The following PPP2R3A variants were observed in gnomAD, a reference collection of about 807,000 sequenced individuals.
PPP2R3A encodes serine/threonine-protein phosphatase 2A regulatory subunit B'' subunit alpha.
PPP2R3A carries 80 observed loss-of-function variants against 106.9 expected under a neutral mutation model. The observed-to-expected ratio is 0.75, with a 90% CI of 0.62 to 0.90. PPP2R3A has a LOEUF of 0.90. Among genes scored for constraint, PPP2R3A ranks in the 40% least tolerant of loss-of-function variants. The pLI is 0.00. For synonymous variants in PPP2R3A, 483 were observed against 468.3 expected, an observed-to-expected ratio of 1.03 and a Z score of -0.41; for missense variants, 1,386 against 1,350.4, an observed-to-expected ratio of 1.03 and a Z score of -0.41.
In PPP2R3A at chr3:136,068,515, C is replaced by T. The variant is rs955236986; in HGVS notation, c.2470-1963C>T. On this transcript the variant is annotated intron_variant, in intron 5 of 13. Transcript: ENST00000264977. The stretch of plus-strand genomic sequence containing the variant: ...CAGCCTGGATGACAGAGCAAGACTC[C>T]GTCTCAAAAAAATAAAAGAAATAAA... Among the ~76,000 whole-genome samples, 18 of 151,762 alleles carry T rather than the reference C, an allele frequency of 1.2e-4. 1 individual carries two copies. The highest frequency in any genetic ancestry group is 2.1e-4 in the South Asian group (1 of 4,820).
intron 10 of PPP2R3A, among the ~76,000 whole-genome samples, chr3:136,095,322 T>C (rs942029363): frequency 6.6e-6 from 1 of 152,234 alleles, no homozygotes; most frequent in Non-Finnish European, 1.5e-5. Flanking sequence ...AGACCTCCTT[T>C]GGTGCTCCTT....
chr3:136,026,962 T>G lies in PPP2R3A; in HGVS notation c.2126T>G (p.Ile709Ser). Residue 709 changes from isoleucine (I) to serine (S), a missense_variant, in exon 3 of 14, where the codon ATT becomes AGT. Coordinates refer to ENST00000264977, the MANE Select transcript of PPP2R3A (RefSeq NM_002718.5). ...GTGAATGCGCCATTGTCCATAAACATTCCACGGTTCTACTTTCCTGAAGGA... is the reference window on the plus strand; with the variant it reads ...GTGAATGCGCCATTGTCCATAAACAGTCCACGGTTCTACTTTCCTGAAGGA... ...NVVNAPLSIN[I>S]PRFYFPEGLP... The G allele has an allele frequency of 6.2e-7, 1 of 1,613,828 alleles. No homozygotes were observed. Among genetic ancestry groups the G allele is most frequent in the Non-Finnish European group, 8.5e-7 (1 of 1,179,748 alleles).
intron 3 of PPP2R3A, among the ~76,000 whole-genome samples, chr3:136,033,807 C>A (rs1367470726): frequency 1.3e-5 from 2 of 151,848 alleles, no homozygotes; most frequent in African/African-American, 2.4e-5. Context: ...AATGGTCTAT[C>A]AATTTTATTT....
chr3:136,091,956 C>G (rs141861666), intron 10 of PPP2R3A, among the ~76,000 whole-genome samples: 1 of 152,182 alleles, frequency 6.6e-6, no homozygotes, highest in African/African-American at 2.4e-5. Context: ...GTGAGCATCC[C>G]AAATCTGAAA....
chr3:136,006,519 A>G (rs1933849489), intron 2 of PPP2R3A, among the ~76,000 whole-genome samples: 1 of 152,170 alleles, frequency 6.6e-6, no homozygotes, highest in South Asian at 2.1e-4. Context: ...TTGCAAGACA[A>G]ACCAACAAAC....
intron 4 of PPP2R3A, among the ~76,000 whole-genome samples, chr3:136,041,817 C>T (rs1273778409): frequency 1.3e-5 from 2 of 152,178 alleles, no homozygotes; most frequent in Admixed American, 6.5e-5. Context: ...AACATTCTGA[C>T]AAATTTTCTT....
chr3:136,022,916 G>A, intron 2 of PPP2R3A: 1 of 1,446,532 alleles, frequency 6.9e-7, no homozygotes, highest in Admixed American at 2.9e-5. Context: ...ATTGTGGTCT[G>A]TGGAGGCTGG....
chr3:136,064,444 A>G (rs1040288450), intron 5 of PPP2R3A, among the ~76,000 whole-genome samples: 32 of 152,184 alleles, frequency 2.1e-4, no homozygotes, highest in African/African-American at 7.2e-4. Flanking sequence ...GGAGGGGTGC[A>G]TGGGTTCTAT....
At chr3:136,044,182 T>C (rs972059420) in intron 4 of PPP2R3A, among the ~76,000 whole-genome samples, 2 of 152,196 alleles carry the variant, frequency 1.3e-5, no homozygotes, top group Non-Finnish European at 2.9e-5. Context: ...TTTATTTAAC[T>C]TTAGGAGCCT....
At chr3:136,034,850 T>A (rs567682126) in intron 3 of PPP2R3A, among the ~76,000 whole-genome samples, 1 of 152,318 alleles carries the variant, frequency 6.6e-6, no homozygotes, top group South Asian at 2.1e-4. Context: ...TGTGTTAAAC[T>A]GTCTGTCTCA....
At chr3:135,971,128 A>AT (rs1313133619) in intron 1 of PPP2R3A, among the ~76,000 whole-genome samples, 2 of 152,016 alleles carry the variant, frequency 1.3e-5, no homozygotes, top group African/African-American at 4.8e-5. Context: ...TTGCAGCTGT[A>AT]TTTTTTCCAA....
At chr3:136,069,191 T>C (rs1231752108) in intron 5 of PPP2R3A, among the ~76,000 whole-genome samples, 1 of 152,228 alleles carries the variant, frequency 6.6e-6, no homozygotes, top group African/African-American at 2.4e-5. Context: ...ATCACTATAC[T>C]ATTGTTTGTG....
chr3:136,001,867 A>G lies in PPP2R3A; in HGVS notation c.369A>G (p.Lys123=), dbSNP rs771461318. The change falls in exon 2 of 14, where the codon AAA becomes AAG. Residue 123 remains lysine (K), a synonymous_variant. Transcript: ENST00000264977. The part of the protein sequence containing the change: ...AGEAISFASG[K]IKEFSFEKLK... Reference sequence around the variant, plus strand: ...AAGCAATCAGTTTTGCCAGTGGGAAAATAAAAGAATTTTCCTTTGAAAAAC... The same window carrying G: ...AAGCAATCAGTTTTGCCAGTGGGAAGATAAAAGAATTTTCCTTTGAAAAAC... 11 of 1,614,122 alleles carry G rather than the reference A, an allele frequency of 6.8e-6. No homozygotes were observed. In the South Asian group the frequency reaches 1.2e-4, roughly 18 times the overall value.
intron 10 of PPP2R3A, among the ~76,000 whole-genome samples, chr3:136,099,901 T>C (rs1315547407): frequency 6.9e-6 from 1 of 145,834 alleles, no homozygotes; most frequent in Non-Finnish European, 1.5e-5. Flanking sequence ...GCTATGTAGA[T>C]CTCAATAACA....
chr3:136,132,586 A>C (rs975940438), intron 13 of PPP2R3A, among the ~76,000 whole-genome samples: 14 of 152,050 alleles, frequency 9.2e-5, no homozygotes, highest in African/African-American at 2.9e-4. Flanking sequence ...ATACTTGTAC[A>C]ATGAAACTAA....
At position 136,077,100 on chromosome 3, in the gene PPP2R3A, G is replaced by A. The variant is rs1936622872; in HGVS notation, c.2545-1267G>A. On this transcript the variant is annotated intron_variant, in intron 6 of 13. Transcript: ENST00000264977. The stretch of plus-strand genomic sequence containing the variant: ...GCTAAAGGAGGCTCAGGTGGCAGTG[G>A]GAGCACAGAAGGCAGAGCTCTAGTC... 2.0e-5 allele frequency among the ~76,000 whole-genome samples: 3 copies of A among 152,310 alleles called. No individual in the cohort carries two copies. In the South Asian group the frequency reaches 6.2e-4, roughly 32 times the overall value.
intron 5 of PPP2R3A, among the ~76,000 whole-genome samples, chr3:136,057,571 G>A (rs1202117103): frequency 1.3e-5 from 2 of 152,072 alleles, no homozygotes; most frequent in Non-Finnish European, 2.9e-5. Flanking sequence ...CCACTGAACT[G>A]TACACTTAAA....
chr3:135,968,917 A>C (rs1937165954), intron 1 of PPP2R3A, among the ~76,000 whole-genome samples: 1 of 152,140 alleles, frequency 6.6e-6, no homozygotes, highest in South Asian at 2.1e-4. Context: ...ACAGTATTTC[A>C]CTGTATGGAT....
chr3:135,971,907 T>A (rs1228273567), intron 1 of PPP2R3A, among the ~76,000 whole-genome samples: 2 of 152,044 alleles, frequency 1.3e-5, no homozygotes, highest in East Asian at 3.8e-4. Context: ...GATAGCTGAG[T>A]GGGGAGAGGA....
Sources: gnomAD v4.1 joint callset for allele counts (sites outside exome capture counted in the v4.1 genomes callset) on GRCh38, gnomAD v4.1.1 for gene constraint, MANE v1.5 for transcripts, NCBI Gene and HGNC (gene_info 2026-07-23, HGNC 2026-07-21) for gene names.